NDRG4: variants seen among roughly 807,000 people sequenced by gnomAD.
The protein encoded by NDRG4 is protein NDRG4.
NDRG4 carries 38 observed loss-of-function variants against 55.8 expected under a neutral mutation model. The ratio of observed to expected loss-of-function variants is 0.68; its 90% CI spans 0.53 to 0.89. The LOEUF is 0.89. NDRG4 is among the 40% of genes least tolerant of loss of function. The pLI is 0.00. For synonymous variants in NDRG4, 190 were observed against 182.7 expected (o/e 1.04, Z -0.32); for missense variants, 455 against 468.6 (o/e 0.97, Z 0.27).
intron 1 of NDRG4, chr16:58,501,885 G>T (rs887941177): frequency 2.3e-6 from 1 of 431,412 alleles, no homozygotes; most frequent in Non-Finnish European, 4.8e-6. Flanking sequence ...TCTGGGTTTG[G>T]AAGGCACCGC....
chr16:58,504,072 C>CT, intron 2 of NDRG4, 82 bp from the exon 3 acceptor site: 1 of 1,599,306 alleles, frequency 6.3e-7, no homozygotes, highest in Non-Finnish European at 8.5e-7. Context: ...ACACTTCTGC[C>CT]TTGCCTGCCC....
intron 1 of NDRG4, among the ~76,000 whole-genome samples, chr16:58,475,278 A>G (rs1315055401): frequency 6.6e-6 from 1 of 152,210 alleles, no homozygotes; most frequent in African/African-American, 2.4e-5. Flanking sequence ...TAACCTTTTA[A>G]TGTAGGTCAT....
intron 1 of NDRG4, among the ~76,000 whole-genome samples, chr16:58,474,547 C>A (rs1332760595): frequency 2.0e-5 from 3 of 152,158 alleles, no homozygotes; most frequent in African/African-American, 7.2e-5. Context: ...CCCTCTCTCT[C>A]CCCTCCTGTG....
In NDRG4 at chr16:58,500,416, G is replaced by A. The variant is rs986581344; in HGVS notation, c.21+147G>A. On this transcript the variant is annotated intron_variant, in intron 1 of 14. Coordinates refer to ENST00000570248, the MANE Select transcript of NDRG4 (RefSeq NM_001242835.2). ...CTCACCCTGGGGTCACTGAGACACG[G>A]CCAGAGTGCTCCAGGTTCCCTGGTG... 10 of 1,111,612 alleles carry A rather than the reference G, an allele frequency of 9.0e-6. No individual in the cohort carries two copies. In the African/African-American group the frequency reaches 9.5e-5, roughly 11 times the overall value. 68.9% of individuals were successfully genotyped at this position (1,111,612 alleles called of 1,614,324 possible).
intron 1 of NDRG4, chr16:58,501,773 A>C (rs1302096293): frequency 1.5e-5 from 5 of 340,286 alleles, no homozygotes; most frequent in Non-Finnish European, 2.4e-5. Context: ...GGGGATGGGG[A>C]CAGGGGCGGC....
intron 5 of NDRG4, chr16:58,506,143 T>C (rs780231892): frequency 3.2e-6 from 2 of 632,042 alleles, no homozygotes; most frequent in South Asian, 1.6e-5. Context: ...CGTGTGTGTG[T>C]GTGTGTGTGT....
chr16:58,495,713 C>T (rs185762061), upstream of NDRG4, among the ~76,000 whole-genome samples: 75 of 152,338 alleles, frequency 4.9e-4, no homozygotes, highest in East Asian at 0.014. Flanking sequence ...GGGAGCAACG[C>T]GAGGATCAGT....
chr16:58,465,872 G>GGCA (rs1208039539), intron 1 of NDRG4, among the ~76,000 whole-genome samples: 1 of 152,206 alleles, frequency 6.6e-6, no homozygotes, highest in African/African-American at 2.4e-5. Flanking sequence ...CCACGGGGCT[G>GGCA]GCACCCCCTC....
intron 13 of NDRG4, among the ~76,000 whole-genome samples, chr16:58,509,890 G>A (rs1167626946): frequency 2.0e-5 from 3 of 152,094 alleles, no homozygotes; most frequent in Non-Finnish European, 4.4e-5. Flanking sequence ...AACCTGGCTT[G>A]GCAGATCTGA....
rs1567580605 is a variant in NDRG4 at position 58,482,679 on chromosome 16, T to TCCTCCCTCCCTTCCTTCCTC, written c.-23-5067_-23-5048dup. ...TCTCTCTTTCCATCCCTCCCTTCCT[T>TCCTCCCTCCCTTCCTTCCTC]CCTCCCTCCCTTCCTTCCTCCCTCC... On this transcript the variant is annotated intron_variant, in intron 1 of 15. Transcript: ENST00000258187. Among the ~76,000 whole-genome samples the TCCTCCCTCCCTTCCTTCCTC allele has an allele frequency of 2.1e-3, 264 of 126,812 alleles. 2 individuals are homozygous for TCCTCCCTCCCTTCCTTCCTC. The highest frequency in any genetic ancestry group is 3.1e-3 in the Non-Finnish European group (198 of 62,992). 83.2% of individuals were successfully genotyped at this position (126,812 alleles called of 152,430 possible).
intron 1 of NDRG4, chr16:58,502,083 C>G (rs936153194): frequency 2.3e-6 from 1 of 436,130 alleles, no homozygotes; most frequent in African/African-American, 2.0e-5. Flanking sequence ...CTTCAGTGCA[C>G]CGCCCTGGCC....
Position 58,509,160 on chromosome 16 carries a change from G to C in NDRG4, c.784G>C (p.Asp262His). The C allele has an allele frequency of 6.2e-7, 1 of 1,614,038 alleles. No homozygotes were observed. The highest frequency in any genetic ancestry group is 8.5e-7 in the Non-Finnish European group (1 of 1,180,040). ...PTTTTFLKMADSGGLPQVTQP... is the reference protein window; with the variant it reads ...PTTTTFLKMAHSGGLPQVTQP... ...CCCACTCTCTCCCTTGCAGATGGCAGACTCTGGAGGGCTGCCCCAGGTCAC... is the reference window on the plus strand; with the variant it reads ...CCCACTCTCTCCCTTGCAGATGGCACACTCTGGAGGGCTGCCCCAGGTCAC... The change falls in exon 12 of 15, where the codon GAC becomes CAC. Residue 262 changes from aspartate to histidine, a missense_variant. Physicochemically the swap from Asp to His is moderately conservative, Grantham distance 81. Coordinates refer to ENST00000570248, the MANE Select transcript of NDRG4 (RefSeq NM_001242835.2).
Position 58,506,961 on chromosome 16 carries a change from T to C in NDRG4, c.566T>C (p.Ile189Thr). The change falls in exon 8 of 15, where the codon ATT (isoleucine) becomes ACT (threonine). Residue 189 changes from isoleucine to threonine, a missense_variant. Coordinates refer to ENST00000570248, the MANE Select transcript of NDRG4 (RefSeq NM_001242835.2). The part of the protein sequence containing the change: ...TELVQSYRQQ[I>T]GNVVNQANLQ... ...TTGGTGCAGAGCTACCGGCAGCAGA[T>C]TGGGAACGTGGTGAACCAGGCCAAC... 1 of 1,614,034 alleles carries C rather than the reference T, an allele frequency of 6.2e-7. No homozygotes were observed. Among genetic ancestry groups the C allele is most frequent in the Admixed American group, 1.7e-5 (1 of 60,014 alleles).
At chr16:58,474,566 T>A (rs2033370174) in intron 1 of NDRG4, among the ~76,000 whole-genome samples, 2 of 152,158 alleles carry the variant, frequency 1.3e-5, no homozygotes, top group Non-Finnish European at 2.9e-5. Flanking sequence ...TGAAGCTGCT[T>A]CCTGCATTGC....
chr16:58,498,528 T>C (rs567804792), upstream of NDRG4, among the ~76,000 whole-genome samples: 1 of 152,118 alleles, frequency 6.6e-6, no homozygotes, highest in Admixed American at 6.5e-5. Flanking sequence ...CTGGGGTGAG[T>C]GGCGTGTTCC....
chr16:58,502,092 C>A (rs1347383068), intron 1 of NDRG4: 1 of 434,256 alleles, frequency 2.3e-6, no homozygotes, highest in Non-Finnish European at 4.8e-6. Context: ...ACCGCCCTGG[C>A]CCCTGAGACT....
At chr16:58,494,831 C>CT in intron 2 of NDRG4, 1 of 418,436 alleles carries the variant, frequency 2.4e-6, no homozygotes. Context: ...GACCCTGTCT[C>CT]TAAAAAAAAA....
chr16:58,506,617 A>AG lies in NDRG4; in HGVS notation c.516+3_516+4insG. The AG allele has an allele frequency of 4.5e-6, 7 of 1,552,572 alleles. No homozygotes were observed. Among genetic ancestry groups the AG allele is most frequent in the Non-Finnish European group, 6.1e-6 (7 of 1,150,388 alleles). ...TGCTCTCCCACCTCTTCAGCCAGGT[A>AG]AGGGGGGGAACTTCTGCAGATCTGG... On this transcript the variant is annotated splice_donor_region_variant and intron_variant, in intron 7 of 14. Coordinates refer to ENST00000570248, the MANE Select transcript of NDRG4 (RefSeq NM_001242835.2).
chr16:58,504,101 C>T (rs1801199662), intron 2 of NDRG4, 53 bp from the exon 3 acceptor site: 4 of 1,608,154 alleles, frequency 2.5e-6, no homozygotes, highest in African/African-American at 2.7e-5. Flanking sequence ...CCCGGCCTTC[C>T]TTCCAGTCCC....
Sources: gnomAD v4.1 joint callset for allele counts (sites outside exome capture counted in the v4.1 genomes callset) on GRCh38, gnomAD v4.1.1 for gene constraint, MANE v1.5 for transcripts, NCBI Gene and HGNC (gene_info 2026-07-23, HGNC 2026-07-21) for gene names.